DCAF1: variants seen among roughly 807,000 people sequenced by gnomAD.
DCAF1 encodes DDB1- and CUL4-associated factor 1.
Under a neutral mutation model 128.0 loss-of-function variants are expected in DCAF1, and 15 were observed. The observed-to-expected ratio is 0.12, with a 90% CI of 0.08 to 0.18. The LOEUF (loss-of-function observed/expected upper bound fraction) is 0.18, where lower values mean the gene tolerates loss of function less well. Ranked by LOEUF, DCAF1 falls within the 10% of genes least tolerant of loss-of-function variation. The pLI, the probability that DCAF1 is intolerant of heterozygous loss-of-function variation, is 1.00. For missense variants in DCAF1, 988 were observed against 1,649.5 expected (o/e 0.60, Z 6.95); for synonymous variants, 610 against 603.0 (o/e 1.01, Z -0.17).
chr3:51,422,736 T>A (rs1214898891), intron 13 of DCAF1, among the ~76,000 whole-genome samples: 1 of 152,166 alleles, frequency 6.6e-6, no homozygotes, highest in Non-Finnish European at 1.5e-5. Context: ...CTCAAAGTTT[T>A]GGTGAGAGTA....
intron 9 of DCAF1, chr3:51,440,144 A>T (rs1348874144): frequency 5.9e-6 from 3 of 509,194 alleles, no homozygotes; most frequent in Non-Finnish European, 1.2e-5. Context: ...CTCAACGTTC[A>T]GCCTTTTAGA....
At chr3:51,465,244 G>A (rs1553646054) in intron 5 of DCAF1, among the ~76,000 whole-genome samples, 1 of 152,114 alleles carries the variant, frequency 6.6e-6, no homozygotes, top group African/African-American at 2.4e-5. Flanking sequence ...GAGGCGTAAA[G>A]GACACTTTAT....
intron 7 of DCAF1, 25 bp from the exon 8 acceptor site, chr3:51,441,922 AG>A (rs782592919): frequency 1.9e-6 from 3 of 1,556,934 alleles, no homozygotes; most frequent in Non-Finnish European, 2.6e-6. Context: ...TTGGAGAAAA[AG>A]GGGGTGCCTC....
chr3:51,404,408 CTTA>C (rs2089963021), intron 23 of DCAF1, among the ~76,000 whole-genome samples: 1 of 151,990 alleles, frequency 6.6e-6, no homozygotes, highest in South Asian at 2.1e-4. Flanking sequence ...TTTTTTTGTT[CTTA>C]TTATTTTAAA....
rs868936115 is a variant in DCAF1 at position 51,498,263 on chromosome 3, G to A, written c.-55-1483C>T. On this transcript the variant is annotated intron_variant, in intron 1 of 24. Coordinates refer to ENST00000684031, the MANE Select transcript of DCAF1 (RefSeq NM_001387579.1). ...TAGTCCCAGCTACTCCGGAGGCTGA[G>A]GCAGGAGAATCACTTGAACCTGGGA... Among the ~76,000 whole-genome samples, 7 of 150,822 alleles carry A rather than the reference G, an allele frequency of 4.6e-5. No individual in the cohort carries two copies. The South Asian group carries it at 1.5e-3, about 32-fold the overall frequency.
At chr3:51,483,541 T>C (rs568520473) in intron 3 of DCAF1, among the ~76,000 whole-genome samples, 178 bp downstream of exon 3, 1 of 152,042 alleles carries the variant, frequency 6.6e-6, no homozygotes, top group South Asian at 2.1e-4. Context: ...TGATTTAGAA[T>C]TTACAGTCTA....
chr3:51,420,755 G>A lies in DCAF1; in HGVS notation c.2215C>T (p.Leu739=), dbSNP rs1484535233. 3 of 1,614,068 alleles carry A rather than the reference G, an allele frequency of 1.9e-6. No individual in the cohort carries two copies. The highest frequency in any genetic ancestry group is 3.3e-5 in the Admixed American group (2 of 60,030). The part of the protein sequence containing the change: ...VQSNNGIKVL[L]SLLSIKMPIT... ...GGCATCTTAATGGACAGTAAGGACA[G>A]GAGCACCTTGATGCCGTTGTTGGAC... The change falls in exon 15 of 25, where the codon CTG becomes TTG. Residue 739 remains leucine (L), a synonymous_variant. Transcript: ENST00000684031. The surrounding 1 kb of genome is among the most constrained non-coding windows in gnomAD (Gnocchi z 6.5).
Position 51,414,019 on chromosome 3 carries a change from A to G in DCAF1, c.3862T>C (p.Leu1288=), listed in dbSNP as rs1553629511. 1.9e-6 allele frequency: 3 copies of G among 1,603,928 alleles called. No individual in the cohort carries two copies. The South Asian group carries it at 3.4e-5, about 18-fold the overall frequency. Reference sequence around the variant, plus strand: ...TGATCCAGAGCGGGAACAGTATGCAAAAGATGAAAAGTTCGAAGGTCCCAC... The same window carrying G: ...TGATCCAGAGCGGGAACAGTATGCAGAAGATGAAAAGTTCGAAGGTCCCAC... The part of the protein sequence containing the change: ...EIWDLRTFHL[L]HTVPALDQCR... Residue 1288 remains leucine (L), a synonymous_variant, in exon 20 of 25, where the codon TTG becomes CTG. Coordinates refer to ENST00000684031, the MANE Select transcript of DCAF1 (RefSeq NM_001387579.1).
rs1449851863 is a variant in DCAF1, at chr3:51,422,376, T to C, written c.1903A>G (p.Lys635Glu). The change falls in exon 14 of 25, where the codon AAA becomes GAA. Residue 635 changes from lysine (K) to glutamate (E), a missense_variant. Coordinates refer to ENST00000684031, the MANE Select transcript of DCAF1 (RefSeq NM_001387579.1). Reference protein sequence around the residue: ...DVLAILTVVPKIQLQLAESVD... With the variant: ...DVLAILTVVPEIQLQLAESVD... ...GATTCTGCCAACTGGAGCTGGATTT[T>C]TGGCACCACAGTAAGAATAGCCAGG... 1 of 750,122 alleles carries C rather than the reference T, an allele frequency of 1.3e-6. No homozygotes were observed. Among genetic ancestry groups the C allele is most frequent in the Non-Finnish European group, 2.5e-6 (1 of 402,582 alleles). The allele number at this position is 750,122 out of a possible 1,614,324, so 46.5% of individuals were successfully genotyped here.
At chr3:51,482,609 A>AC (rs34975386) in intron 3 of DCAF1, among the ~76,000 whole-genome samples, 132,080 of 148,370 alleles carry the variant, frequency 0.89, 58,935 homozygotes, top group African/African-American at 0.95. Flanking sequence ...TACTAAAAAT[A>AC]CAAAAATTAG....
chr3:51,462,787 G>T (rs1198863907), intron 6 of DCAF1, among the ~76,000 whole-genome samples: 1 of 144,948 alleles, frequency 6.9e-6, no homozygotes, highest in Non-Finnish European at 1.5e-5. Flanking sequence ...CAAACAACAA[G>T]TATTTGTCAA....
At chr3:51,480,818 C>G (rs1447157462) in intron 3 of DCAF1, among the ~76,000 whole-genome samples, 3 of 152,026 alleles carry the variant, frequency 2.0e-5, no homozygotes, top group Non-Finnish European at 4.4e-5. Context: ...AATTTTCTGC[C>G]ATTATACCAC....
chr3:51,484,922 G>GT (rs542503097), intron 2 of DCAF1, among the ~76,000 whole-genome samples: 5,937 of 122,710 alleles, frequency 0.048, 419 homozygotes, highest in African/African-American at 0.16. Flanking sequence ...TTTTTGTTTT[G>GT]TTTTTTTTTT....
intron 1 of DCAF1, among the ~76,000 whole-genome samples, chr3:51,499,201 A>C (rs1708559641): frequency 6.6e-6 from 1 of 152,230 alleles, no homozygotes; most frequent in Non-Finnish European, 1.5e-5. Context: ...CCCAGTTGAA[A>C]ACTACTATAA....
chr3:51,417,816 GGGAGA>G (rs1225811728), intron 17 of DCAF1, among the ~76,000 whole-genome samples: 34 of 150,960 alleles, frequency 2.3e-4, no homozygotes, highest in East Asian at 3.9e-4. Context: ...GGGAGGGGAG[GGGAGA>G]GGAGAGGAGA....
At chr3:51,428,269 AGACTCGAGT>A (rs1411763938) in intron 12 of DCAF1, among the ~76,000 whole-genome samples, 6 of 149,942 alleles carry the variant, frequency 4.0e-5, no homozygotes, top group Admixed American at 1.3e-4. Flanking sequence ...TCAAACCCCC[AGACTCGAGT>A]GACTCTCCCA....
intron 9 of DCAF1, among the ~76,000 whole-genome samples, chr3:51,438,634 T>C (rs954262363): frequency 6.6e-6 from 1 of 152,120 alleles, no homozygotes; most frequent in African/African-American, 2.4e-5. Flanking sequence ...ATTGTTACAA[T>C]GTTGTTCGCT....
chr3:51,495,809 G>A (rs554081610), intron 2 of DCAF1, among the ~76,000 whole-genome samples: 167 of 152,170 alleles, frequency 1.1e-3, no homozygotes, highest in African/African-American at 3.9e-3. Flanking sequence ...TTTGTGAGAC[G>A]GAATCTCGCT....
chr3:51,500,751 GT>G (rs1478546297), upstream of DCAF1, among the ~76,000 whole-genome samples: 1 of 150,992 alleles, frequency 6.6e-6, no homozygotes, highest in East Asian at 1.9e-4. Context: ...TGGTTTTGCC[GT>G]GTTGGCCAGG....
Sources: gnomAD v4.1 joint callset for allele counts (sites outside exome capture counted in the v4.1 genomes callset) on GRCh38, gnomAD v4.1.1 for gene constraint, Gnocchi (gnomAD v3.1) non-coding constraint, MANE v1.5 for transcripts, NCBI Gene and HGNC (gene_info 2026-07-23, HGNC 2026-07-21) for gene names.